Variants in HIPK2 observed in about 807,000 individuals in gnomAD.
The protein encoded by HIPK2 is homeodomain interacting protein kinase 2.
HIPK2 carries 27 observed loss-of-function variants against 113.7 expected under a neutral mutation model. The ratio of observed to expected loss-of-function variants is 0.24; its 90% CI spans 0.17 to 0.33. The LOEUF is 0.33. HIPK2 is among the 10% of genes least tolerant of loss of function. The pLI, the probability that HIPK2 is intolerant of heterozygous loss-of-function variation, is 1.00. For missense variants in HIPK2, 1,257 were observed against 1,588.0 expected (o/e 0.79, Z 3.54); for synonymous variants, 631 against 642.2 (o/e 0.98, Z 0.26).
chr7:139,700,754 C>G (rs1166745064), intron 2 of HIPK2, among the ~76,000 whole-genome samples: 1 of 152,174 alleles, frequency 6.6e-6, no homozygotes, highest in Non-Finnish European at 1.5e-5. Flanking sequence ...CCTTCCTGTT[C>G]CTATGCTCTC....
rs531098599 is a variant in HIPK2 at position 139,755,672 on chromosome 7, T to C, written c.19+21933A>G. On this transcript the variant is annotated intron_variant, in intron 1 of 14. Coordinates refer to ENST00000406875, the MANE Select transcript of HIPK2 (RefSeq NM_022740.5). Reference sequence around the variant, plus strand: ...AAGATGCTCTGGTCCCACATCCATGTTCTGTTGGATGCCAGTCTCCGGCAG... The same window carrying C: ...AAGATGCTCTGGTCCCACATCCATGCTCTGTTGGATGCCAGTCTCCGGCAG... Among the ~76,000 whole-genome samples the C allele has an allele frequency of 8.2e-4, 125 of 152,350 alleles. 1 individual carries two copies. The highest frequency in any genetic ancestry group is 2.8e-3 in the African/African-American group (116 of 41,592).
chr7:139,642,431 C>T (rs1207049671), intron 2 of HIPK2, among the ~76,000 whole-genome samples: 1 of 152,138 alleles, frequency 6.6e-6, no homozygotes, highest in East Asian at 1.9e-4. Flanking sequence ...CAGAAGACAG[C>T]CAGAAAGGCA....
At chr7:139,602,820 T>C (rs1333788403) in intron 10 of HIPK2, among the ~76,000 whole-genome samples, 1 of 152,196 alleles carries the variant, frequency 6.6e-6, no homozygotes, top group African/African-American at 2.4e-5. Context: ...TTGTATTTTA[T>C]CTTACTTTAA....
At chr7:139,655,140 T>A (rs372604199) in intron 2 of HIPK2, among the ~76,000 whole-genome samples, 1 of 152,194 alleles carries the variant, frequency 6.6e-6, no homozygotes, top group Non-Finnish European at 1.5e-5. Flanking sequence ...GAGCTGAGTA[T>A]TGATGAGCCA....
chr7:139,689,173 C>T (rs1794323994), intron 2 of HIPK2, among the ~76,000 whole-genome samples: 1 of 152,190 alleles, frequency 6.6e-6, no homozygotes, highest in Admixed American at 6.5e-5. Context: ...CCACAGAGTG[C>T]TCCCCAAGAG....
chr7:139,720,350 C>T (rs1265767643), intron 1 of HIPK2, among the ~76,000 whole-genome samples: 1 of 152,160 alleles, frequency 6.6e-6, no homozygotes, highest in Non-Finnish European at 1.5e-5. Flanking sequence ...CTGATTGGAG[C>T]CCCACCTCCA....
intron 1 of HIPK2, among the ~76,000 whole-genome samples, chr7:139,769,602 C>T (rs1796614493): frequency 6.6e-6 from 1 of 152,220 alleles, no homozygotes; most frequent in South Asian, 2.1e-4. Context: ...TGCTTATTCA[C>T]CTTGTTAAGC....
chr7:139,606,586 T>C (rs1217179289), intron 9 of HIPK2, among the ~76,000 whole-genome samples: 1 of 152,190 alleles, frequency 6.6e-6, no homozygotes, highest in Non-Finnish European at 1.5e-5. Context: ...CAGGTCTTCA[T>C]TTCCCCTTAG....
At chr7:139,610,684 T>C (rs969649899) in intron 9 of HIPK2, among the ~76,000 whole-genome samples, 1 of 152,218 alleles carries the variant, frequency 6.6e-6, no homozygotes, top group African/African-American at 2.4e-5. Context: ...AAACAAACTG[T>C]TCCGGAAAAC....
rs183047950 is a variant in HIPK2, at chr7:139,766,471, T to G, written c.19+11134A>C. ...CATTCACCACCTCACTTGACCCTGT[T>G]TGATGAACAGGACAAATGGAACAAG... On this transcript the variant is annotated intron_variant, in intron 1 of 14. Transcript: ENST00000406875. Among the ~76,000 whole-genome samples the G allele has an allele frequency of 3.9e-5, 6 of 152,330 alleles. No individual in the cohort carries two copies. In the East Asian group the frequency reaches 7.7e-4, roughly 20 times the overall value.
At chr7:139,591,049 A>G (rs982895549) in intron 12 of HIPK2, among the ~76,000 whole-genome samples, 6 of 152,122 alleles carry the variant, frequency 3.9e-5, no homozygotes, top group African/African-American at 1.4e-4. Context: ...GTCTTGCTAT[A>G]TTGCCCAGGT....
In HIPK2 at chr7:139,697,812, AT is replaced by A. The variant is rs1434177322; in HGVS notation, c.1103+18119del. The stretch of plus-strand genomic sequence containing the variant: ...AAAATCCCTTATCTATTAAGAATTT[AT>A]CCTATTATCCCCTCCTCCCAGCCAC... On this transcript the variant is annotated intron_variant, in intron 2 of 14. Coordinates refer to ENST00000406875, the MANE Select transcript of HIPK2 (RefSeq NM_022740.5). Among the ~76,000 whole-genome samples, 8 of 151,868 alleles carry A rather than the reference AT, an allele frequency of 5.3e-5. No homozygotes were observed. In the South Asian group the frequency reaches 1.5e-3, roughly 28 times the overall value.
intron 1 of HIPK2, among the ~76,000 whole-genome samples, chr7:139,724,223 T>C (rs6605559): frequency 0.19 from 29,055 of 152,104 alleles, 5,982 homozygotes; most frequent in African/African-American, 0.51. Flanking sequence ...CTGGATGACA[T>C]GGTGATCTAA....
intron 2 of HIPK2, among the ~76,000 whole-genome samples, chr7:139,675,373 A>G (rs1329795235): frequency 6.6e-6 from 1 of 152,054 alleles, no homozygotes; most frequent in Non-Finnish European, 1.5e-5. Context: ...AGGACAGCAT[A>G]TGAAAAACAG....
At chr7:139,723,492 C>G (rs965861345) in intron 1 of HIPK2, among the ~76,000 whole-genome samples, 4 of 152,166 alleles carry the variant, frequency 2.6e-5, no homozygotes, top group African/African-American at 9.7e-5. Context: ...CTGCACCCAG[C>G]CAACTCACAC....
intron 11 of HIPK2, 143 bp downstream of exon 11, chr7:139,600,274 C>G: frequency 1.0e-6 from 1 of 957,496 alleles, no homozygotes; most frequent in Non-Finnish European, 1.5e-6. Context: ...GGATGTTTTG[C>G]TAGTCACTGC....
At chr7:139,579,668 GT>G (rs1798604381) in intron 13 of HIPK2, among the ~76,000 whole-genome samples, 1 of 149,774 alleles carries the variant, frequency 6.7e-6, no homozygotes, top group African/African-American at 2.6e-5. Flanking sequence ...GGGGACAGAA[GT>G]TTCTGGTGCT....
chr7:139,756,375 C>T (rs12532543), intron 1 of HIPK2, among the ~76,000 whole-genome samples: 30,669 of 152,118 alleles, frequency 0.2, 6,451 homozygotes, highest in African/African-American at 0.51. Context: ...CAGCTGTGTT[C>T]TCTCTCACTC....
rs1318017581 is a variant in HIPK2, at chr7:139,571,882, C to T, written c.*1045G>A. Reference sequence around the variant, plus strand: ...ACGCGGGGAGGGCGGCGCGTGCACACCCACACGTGCTCGCTCACCCGCACA... The same window carrying T: ...ACGCGGGGAGGGCGGCGCGTGCACATCCACACGTGCTCGCTCACCCGCACA... On this transcript the variant is annotated 3_prime_UTR_variant, in exon 15 of 15. Transcript: ENST00000406875. 3 of 152,220 alleles carry T rather than the reference C, an allele frequency of 2.0e-5. No homozygotes were observed. Among genetic ancestry groups the T allele is most frequent in the African/African-American group, 7.2e-5 (3 of 41,454 alleles). The allele number at this position is 152,220 out of a possible 1,614,324, so 9.4% of individuals were successfully genotyped here. A position where few individuals can be genotyped will look rare whatever the true frequency, so the allele number is the denominator to read the frequency against.
Sources: gnomAD v4.1 joint callset for allele counts (sites outside exome capture counted in the v4.1 genomes callset) on GRCh38, gnomAD v4.1.1 for gene constraint, MANE v1.5 for transcripts, NCBI Gene and HGNC (gene_info 2026-07-23, HGNC 2026-07-21) for gene names.